PHF14: variants seen among roughly 807,000 people sequenced by gnomAD.
PHF14 encodes PHD finger protein 14.
In PHF14, 55 loss-of-function variants were observed where a neutral mutation model predicts 117.9. That is an observed-to-expected ratio of 0.47 (90% CI 0.38 to 0.58). PHF14 has a LOEUF of 0.58. PHF14 is among the 20% of genes least tolerant of loss of function. The pLI is 0.00. For synonymous variants in PHF14, 409 were observed against 368.6 expected (o/e 1.11, Z -1.26); for missense variants, 978 against 1,122.2 (o/e 0.87, Z 1.84).
At chr7:10,986,758 G>A (rs139488452) in intron 3 of PHF14, among the ~76,000 whole-genome samples, 3 of 152,234 alleles carry the variant, frequency 2.0e-5, no homozygotes, top group African/African-American at 7.2e-5. Context: ...TTTGGGGACG[G>A]CAGTGTACTA....
At chr7:11,154,956 G>A (rs1788800498) in intron 17 of PHF14, among the ~76,000 whole-genome samples, 1 of 151,830 alleles carries the variant, frequency 6.6e-6, no homozygotes, top group African/African-American at 2.4e-5. Context: ...ACATAATGAT[G>A]GTTATTTAGC....
chr7:11,095,198 T>C (rs951794045), intron 16 of PHF14, among the ~76,000 whole-genome samples: 1 of 152,192 alleles, frequency 6.6e-6, no homozygotes, highest in African/African-American at 2.4e-5. Context: ...AAGCATTATT[T>C]TAATTATTTT....
rs544213679 is a variant in PHF14 at position 11,082,459 on chromosome 7, A to T, written c.2654+20374A>T. ...TCCTAAATTAGCATAACAAATTTAT[A>T]AATTTTCTTCCCTCACATTTTCAAT... On this transcript the variant is annotated intron_variant, in intron 16 of 17. Coordinates refer to ENST00000634607, the MANE Select transcript of PHF14 (RefSeq NM_001007157.2). 5.3e-5 allele frequency among the ~76,000 whole-genome samples: 8 copies of T among 152,342 alleles called. 1 individual carries two copies. Among genetic ancestry groups the T allele is most frequent in the African/African-American group, 1.7e-4 (7 of 41,584 alleles).
At chr7:11,019,318 CT>C (rs1023897138) in intron 5 of PHF14, among the ~76,000 whole-genome samples, 3 of 152,138 alleles carry the variant, frequency 2.0e-5, no homozygotes, top group South Asian at 2.1e-4. Context: ...GGTATTAGTT[CT>C]TCTTTAAGTG....
At chr7:11,049,629 C>G (rs1358743904) in intron 13 of PHF14, among the ~76,000 whole-genome samples, 2 of 152,026 alleles carry the variant, frequency 1.3e-5, no homozygotes, top group East Asian at 3.9e-4. Context: ...GATAATTTCT[C>G]TAGTCATCTG....
At chr7:11,043,059 T>A (rs537303505) in intron 13 of PHF14, among the ~76,000 whole-genome samples, 2 of 152,144 alleles carry the variant, frequency 1.3e-5, no homozygotes, top group South Asian at 4.1e-4. Flanking sequence ...TTCTGTCCAT[T>A]GCTTATAATT....
chr7:11,080,375 T>TC (rs1187567842), intron 16 of PHF14, among the ~76,000 whole-genome samples: 2 of 152,104 alleles, frequency 1.3e-5, no homozygotes, highest in African/African-American at 4.8e-5. Context: ...GGTGTTTTTT[T>TC]CCCCCCTCAG....
intron 16 of PHF14, among the ~76,000 whole-genome samples, chr7:11,079,592 C>T (rs1055283533): frequency 6.6e-6 from 1 of 152,012 alleles, no homozygotes; most frequent in Non-Finnish European, 1.5e-5. Context: ...TGCTGACTTT[C>T]TTTTTCTTCA....
At chr7:11,015,990 C>T (rs909477265) in intron 5 of PHF14, among the ~76,000 whole-genome samples, 2 of 152,192 alleles carry the variant, frequency 1.3e-5, no homozygotes, top group East Asian at 1.9e-4. Context: ...TGTTAGGACA[C>T]TGTCAAGTAG....
intron 16 of PHF14, among the ~76,000 whole-genome samples, chr7:11,095,046 A>C: frequency 6.6e-6 from 1 of 152,222 alleles, no homozygotes; most frequent in South Asian, 2.1e-4. Context: ...CTGAGGGAAC[A>C]CAAGTCAACT....
In PHF14 at chr7:11,038,797, G is replaced by A. The variant is rs1784401668; in HGVS notation, c.2018G>A (p.Gly673Glu). 6.3e-7 allele frequency: 1 copy of A among 1,597,704 alleles called. No homozygotes were observed. Among genetic ancestry groups the A allele is most frequent in the Non-Finnish European group, 8.5e-7 (1 of 1,170,296 alleles). Residue 673 changes from glycine (G) to glutamate (E), a missense_variant, in exon 11 of 18, where the codon GGA becomes GAA. Gly to Glu is a moderately conservative substitution (Grantham distance 98). Around this residue, in one of 7 missense-constraint regions of PHF14, gnomAD observed 237 missense variants for 276.4 expected, o/e 0.86. Transcript: ENST00000634607. ...TTAGAAGAACTACAAAACCTGAATG[G>A]AAAACTTCGAAGTGAAGGACAAGGA... is the stretch of plus-strand genomic sequence containing the variant. The part of the protein sequence containing the change: ...ESLEELQNLN[G>E]KLRSEGQGIW...
intron 5 of PHF14, among the ~76,000 whole-genome samples, chr7:11,016,663 C>T (rs151320198): frequency 1.3e-5 from 2 of 152,134 alleles, no homozygotes; most frequent in East Asian, 1.9e-4. Context: ...TGTTTTGATA[C>T]AGGCATGCAA....
At chr7:11,032,423 A>G (rs1339707086) in intron 7 of PHF14, among the ~76,000 whole-genome samples, 1 of 152,146 alleles carries the variant, frequency 6.6e-6, no homozygotes, top group Non-Finnish European at 1.5e-5. Context: ...TCAATGTACA[A>G]GACCGAAGTT....
At chr7:11,137,452 T>A (rs1241895115) in intron 17 of PHF14, among the ~76,000 whole-genome samples, 1 of 152,196 alleles carries the variant, frequency 6.6e-6, no homozygotes, top group African/African-American at 2.4e-5. Flanking sequence ...AGACATTTAT[T>A]TAATTTTTTT....
At chr7:11,109,775 G>A (rs1787381868) in intron 16 of PHF14, 1 of 151,858 alleles carries the variant, frequency 6.6e-6, no homozygotes, top group South Asian at 2.1e-4. Context: ...TTAGATGTGT[G>A]ATATTGTCAT....
intron 2 of PHF14, among the ~76,000 whole-genome samples, chr7:10,977,806 C>T (rs555601988): frequency 1.3e-5 from 2 of 152,038 alleles, no homozygotes; most frequent in East Asian, 3.9e-4. Flanking sequence ...TTTGTAGGTC[C>T]AAAACACACA....
intron 4 of PHF14, among the ~76,000 whole-genome samples, chr7:11,010,829 A>AT (rs1339067233): frequency 1.3e-5 from 2 of 151,824 alleles, no homozygotes; most frequent in Non-Finnish European, 2.9e-5. Flanking sequence ...TCTTTTTTGT[A>AT]TTTTTTGTAG....
At chr7:10,976,806 T>C (rs187060182) in intron 2 of PHF14, among the ~76,000 whole-genome samples, 15 of 150,624 alleles carry the variant, frequency 1.0e-4, no homozygotes, top group Non-Finnish European at 4.4e-5. Context: ...ACTAAAAATA[T>C]TTACTTTCTG....
At chr7:11,075,944 A>C (rs1785833055) in intron 16 of PHF14, among the ~76,000 whole-genome samples, 1 of 152,122 alleles carries the variant, frequency 6.6e-6, no homozygotes, top group Admixed American at 6.5e-5. Flanking sequence ...ATCCTGGCTA[A>C]TACGATGAAA....
Sources: gnomAD v4.1 joint callset for allele counts (sites outside exome capture counted in the v4.1 genomes callset) on GRCh38, gnomAD v4.1.1 for gene constraint, gnomAD v4.1.1 regional missense constraint, MANE v1.5 for transcripts, NCBI Gene and HGNC (gene_info 2026-07-23, HGNC 2026-07-21) for gene names.